Variants in KCNQ3 observed in about 807,000 individuals in gnomAD.
KCNQ3 encodes the protein potassium voltage-gated channel subfamily KQT member 3.
Under a neutral mutation model 92.5 loss-of-function variants are expected in KCNQ3, and 30 were observed. The ratio of observed to expected loss-of-function variants is 0.32; its 90% CI spans 0.24 to 0.44. The LOEUF is 0.44. KCNQ3 is among the 20% of genes least tolerant of loss of function. The pLI is 1.00. For synonymous variants in KCNQ3, 450 were observed against 468.8 expected (o/e 0.96, Z 0.52); for missense variants, 913 against 1,140.3 (o/e 0.80, Z 2.87).
At chr8:132,374,425 G>A (rs777423556) in intron 1 of KCNQ3, among the ~76,000 whole-genome samples, 8 of 152,056 alleles carry the variant, frequency 5.3e-5, no homozygotes, top group Admixed American at 1.3e-4. Flanking sequence ...TCCACTCCCC[G>A]ACCCACTTCT....
chr8:132,183,916 G>A (rs980577311), intron 3 of KCNQ3, among the ~76,000 whole-genome samples: 4 of 152,152 alleles, frequency 2.6e-5, no homozygotes, highest in African/African-American at 9.7e-5. Flanking sequence ...AGTGACTGGG[G>A]GTGCTACTAC....
At chr8:132,203,615 A>C (rs1361088358) in intron 1 of KCNQ3, among the ~76,000 whole-genome samples, 1 of 152,214 alleles carries the variant, frequency 6.6e-6, no homozygotes, top group Non-Finnish European at 1.5e-5. Flanking sequence ...GGAGTCAGAC[A>C]GGGAATGAGT....
chr8:132,389,542 A>G (rs1819992926), intron 1 of KCNQ3, among the ~76,000 whole-genome samples: 1 of 152,240 alleles, frequency 6.6e-6, no homozygotes, highest in South Asian at 2.1e-4. Flanking sequence ...TGCTGCACAT[A>G]TAACTAACAA....
intron 1 of KCNQ3, among the ~76,000 whole-genome samples, chr8:132,387,272 T>C (rs905825637): frequency 6.6e-6 from 1 of 152,326 alleles, no homozygotes. Context: ...AAGTTTCCAA[T>C]GGGAGTCATT....
intron 1 of KCNQ3, among the ~76,000 whole-genome samples, chr8:132,437,172 G>A (rs1332131745): frequency 6.6e-6 from 1 of 151,736 alleles, no homozygotes; most frequent in Admixed American, 6.6e-5. Flanking sequence ...CCAGCTACTC[G>A]GGAGGCTGAG....
intron 1 of KCNQ3, among the ~76,000 whole-genome samples, chr8:132,187,807 ATGGTGGTGGTGG>A (rs1166642331): frequency 1.4e-4 from 17 of 120,598 alleles, no homozygotes; most frequent in Admixed American, 3.2e-4. Flanking sequence ...GGTGATAGTG[ATGGTGGTGGTGG>A]TGGTGGTGGT....
At chr8:132,185,246 G>C (rs1017414407) in intron 2 of KCNQ3, among the ~76,000 whole-genome samples, 3 of 152,232 alleles carry the variant, frequency 2.0e-5, no homozygotes, top group Non-Finnish European at 2.9e-5. Context: ...TGAGAAGAAG[G>C]CTCCACTATT....
chr8:132,129,007 T>C lies in KCNQ3; in HGVS notation c.*255A>G. 1.8e-6 allele frequency: 1 copy of C among 543,884 alleles called. No individual in the cohort carries two copies. Among genetic ancestry groups the C allele is most frequent in the Non-Finnish European group, 3.3e-6 (1 of 303,634 alleles). 33.7% of individuals were successfully genotyped at this position (543,884 alleles called of 1,614,324 possible). On this transcript the variant is annotated 3_prime_UTR_variant, in exon 15 of 15. Transcript: ENST00000388996. The surrounding 1 kb of genome is among the most constrained non-coding windows in gnomAD (Gnocchi z 5.9). The stretch of plus-strand genomic sequence containing the variant: ...TAAAAGTAAGAACAGCAGATAAATG[T>C]GTATCCTAGAAGAGATTAGCGGAAC...
At chr8:132,296,705 A>T (rs1817039368) in intron 1 of KCNQ3, among the ~76,000 whole-genome samples, 1 of 152,088 alleles carries the variant, frequency 6.6e-6, no homozygotes, top group South Asian at 2.1e-4. Flanking sequence ...CATGTCCCTA[A>T]AAAGGACATG....
At chr8:132,364,423 G>C (rs1819256848) in intron 1 of KCNQ3, among the ~76,000 whole-genome samples, 1 of 152,164 alleles carries the variant, frequency 6.6e-6, no homozygotes. Context: ...CATTGAATCT[G>C]CCTTTCACTG....
At chr8:132,208,426 GC>G (rs1813737389) in intron 1 of KCNQ3, among the ~76,000 whole-genome samples, 1 of 152,032 alleles carries the variant, frequency 6.6e-6, no homozygotes, top group Admixed American at 6.6e-5. Flanking sequence ...GGAAAGAAAT[GC>G]AAAAAGGTTA....
chr8:132,407,277 G>A (rs1287989374), intron 1 of KCNQ3, among the ~76,000 whole-genome samples: 1 of 152,162 alleles, frequency 6.6e-6, no homozygotes, highest in Non-Finnish European at 1.5e-5. Context: ...TTATTTATTT[G>A]GTCTTTCAGT....
chr8:132,296,223 A>G (rs549132441), intron 1 of KCNQ3, among the ~76,000 whole-genome samples: 7 of 152,256 alleles, frequency 4.6e-5, no homozygotes, highest in Middle Eastern at 3.4e-3. Context: ...TCTCTTGGAC[A>G]GTGCTGCCTT....
At chr8:132,172,435 CAG>C (rs71306375) in intron 7 of KCNQ3, among the ~76,000 whole-genome samples, 161 bp downstream of exon 7, 39 of 145,930 alleles carry the variant, frequency 2.7e-4, no homozygotes, top group East Asian at 8.1e-4. Context: ...CACACACACA[CAG>C]ACACACAAGA....
intron 9 of KCNQ3, among the ~76,000 whole-genome samples, chr8:132,147,599 GATGA>G (rs534610424): frequency 3.3e-5 from 5 of 152,178 alleles, no homozygotes; most frequent in Non-Finnish European, 5.9e-5. Context: ...ATGATAGAGA[GATGA>G]ATGGATGGAT....
chr8:132,210,988 T>C (rs1395270622), intron 1 of KCNQ3, among the ~76,000 whole-genome samples: 1 of 152,218 alleles, frequency 6.6e-6, no homozygotes, highest in East Asian at 1.9e-4. Flanking sequence ...TTTGCATACC[T>C]TCCCATAGCA....
chr8:132,230,897 A>C (rs1166385587), intron 1 of KCNQ3, among the ~76,000 whole-genome samples: 3 of 152,228 alleles, frequency 2.0e-5, no homozygotes, highest in Non-Finnish European at 1.5e-5. Flanking sequence ...CCTAATCCAC[A>C]GTACCTCAGA....
chr8:132,180,436 G>A (rs951733692), intron 3 of KCNQ3, 107 bp from the exon 4 acceptor site: 1 of 1,195,184 alleles, frequency 8.4e-7, no homozygotes, highest in Non-Finnish European at 1.2e-6. Context: ...CATGTGCCAA[G>A]CAGTGGGACA....
intron 1 of KCNQ3, among the ~76,000 whole-genome samples, chr8:132,223,060 C>A (rs915032079): frequency 2.6e-5 from 4 of 152,248 alleles, no homozygotes; most frequent in South Asian, 2.1e-4. Context: ...CTTTTTTATT[C>A]ATTCTTTCAT....
Sources: gnomAD v4.1 joint callset for allele counts (sites outside exome capture counted in the v4.1 genomes callset) on GRCh38, gnomAD v4.1.1 for gene constraint, Gnocchi (gnomAD v3.1) non-coding constraint, MANE v1.5 for transcripts, NCBI Gene and HGNC (gene_info 2026-07-23, HGNC 2026-07-21) for gene names.